The following LRRC7 variants were observed in gnomAD, a reference collection of about 807,000 sequenced individuals.
The protein encoded by LRRC7 is leucine-rich repeat-containing protein 7.
In LRRC7, 23 loss-of-function variants were observed where a neutral mutation model predicts 175.7. That is an observed-to-expected ratio of 0.13 (90% CI 0.09 to 0.19). The LOEUF (loss-of-function observed/expected upper bound fraction) is 0.19, where lower values mean the gene tolerates loss of function less well. Ranked by LOEUF, LRRC7 falls within the 10% of genes least tolerant of loss-of-function variation. The pLI is 1.00. For missense variants in LRRC7, 1,354 were observed against 1,904.7 expected (o/e 0.71, Z 5.38); for synonymous variants, 685 against 680.9 (o/e 1.01, Z -0.09).
chr1:69,576,264 A>T (rs1426683858), intron 1 of LRRC7, among the ~76,000 whole-genome samples: 1 of 150,084 alleles, frequency 6.7e-6, no homozygotes, highest in African/African-American at 2.4e-5. Flanking sequence ...TCCTTTAAAT[A>T]GTAAGATCCT....
At position 70,118,091 on chromosome 1, in the gene LRRC7, ACG is replaced by A. The variant is rs1491384499; in HGVS notation, c.4621-3687_4621-3686del. Reference sequence around the variant, plus strand: ...CACACACACACACACACACACACACACGCACACGAACAAAAATGCAAAACTCC... The same window carrying A: ...CACACACACACACACACACACACACACACACGAACAAAAATGCAAAACTCC... On this transcript the variant is annotated intron_variant, in intron 26 of 26. Transcript: ENST00000651989. Among the ~76,000 whole-genome samples the A allele has an allele frequency of 7.1e-5, 10 of 141,844 alleles. No individual in the cohort carries two copies. The South Asian group carries it at 1.1e-3, about 16-fold the overall frequency. The allele number at this position is 141,844 out of a possible 152,430, so 93.1% of individuals were successfully genotyped here. A position where few individuals can be genotyped will look rare whatever the true frequency, so the allele number is the denominator to read the frequency against.
intron 7 of LRRC7, among the ~76,000 whole-genome samples, 185 bp from the exon 8 acceptor site, chr1:69,931,322 C>T (rs1407977044): frequency 1.3e-5 from 2 of 152,150 alleles, no homozygotes; most frequent in African/African-American, 4.8e-5. Flanking sequence ...TGAACAGATG[C>T]TGTAGCTTTT....
intron 4 of LRRC7, among the ~76,000 whole-genome samples, chr1:69,792,629 T>C (rs750144142): frequency 2.6e-5 from 4 of 152,104 alleles, no homozygotes; most frequent in Non-Finnish European, 5.9e-5. Context: ...ATGGTTATGG[T>C]ATATTTTCTC....
At chr1:69,613,115 A>G (rs748177872) in intron 1 of LRRC7, among the ~76,000 whole-genome samples, 6 of 152,080 alleles carry the variant, frequency 3.9e-5, no homozygotes, top group Non-Finnish European at 7.4e-5. Context: ...CAAGTATAGC[A>G]TAGACTATAT....
At chr1:69,698,922 T>G (rs1468273750) in intron 2 of LRRC7, among the ~76,000 whole-genome samples, 1 of 152,182 alleles carries the variant, frequency 6.6e-6, no homozygotes, top group Non-Finnish European at 1.5e-5. Context: ...TCTGTAACTC[T>G]CTGTCTGTCT....
intron 8 of LRRC7, among the ~76,000 whole-genome samples, chr1:69,960,127 G>A (rs920637869): frequency 6.6e-6 from 1 of 151,936 alleles, no homozygotes; most frequent in Admixed American, 6.6e-5. Flanking sequence ...GGTTTTGGGG[G>A]TTGGAGGCTA....
intron 7 of LRRC7, among the ~76,000 whole-genome samples, chr1:69,867,978 T>C (rs1052216388): frequency 6.6e-6 from 1 of 152,058 alleles, no homozygotes; most frequent in Non-Finnish European, 1.5e-5. Flanking sequence ...GTCCAAGAGA[T>C]ACACAGATCC....
intron 2 of LRRC7, among the ~76,000 whole-genome samples, chr1:69,707,664 C>T (rs552536242): frequency 6.6e-6 from 1 of 152,190 alleles, no homozygotes; most frequent in East Asian, 1.9e-4. Flanking sequence ...TTTTCCTTTT[C>T]CTCACTCTTG....
At chr1:69,641,347 T>C (rs1170904827) in intron 1 of LRRC7, among the ~76,000 whole-genome samples, 1 of 151,726 alleles carries the variant, frequency 6.6e-6, no homozygotes, top group Non-Finnish European at 1.5e-5. Context: ...TCTTCTATTT[T>C]CTTTTTATTA....
At chr1:69,863,558 T>C (rs1008449465) in intron 7 of LRRC7, among the ~76,000 whole-genome samples, 1 of 152,204 alleles carries the variant, frequency 6.6e-6, no homozygotes, top group South Asian at 2.1e-4. Context: ...CGCATTGTGT[T>C]AGGCATAGGA....
chr1:69,647,927 A>G (rs1655236139), intron 1 of LRRC7, among the ~76,000 whole-genome samples: 1 of 152,204 alleles, frequency 6.6e-6, no homozygotes, highest in Non-Finnish European at 1.5e-5. Flanking sequence ...CAACACATGT[A>G]AAATTCAGTG....
At chr1:69,771,081 G>A (rs986199359) in intron 3 of LRRC7, among the ~76,000 whole-genome samples, 1 of 152,080 alleles carries the variant, frequency 6.6e-6, no homozygotes, top group African/African-American at 2.4e-5. Context: ...TCATATATAT[G>A]CATATGTGAT....
At chr1:69,988,125 C>A (rs907364654) in intron 10 of LRRC7, among the ~76,000 whole-genome samples, 1 of 152,174 alleles carries the variant, frequency 6.6e-6, no homozygotes, top group Non-Finnish European at 1.5e-5. Flanking sequence ...TCCTACTCAC[C>A]ACCATCCCAT....
intron 4 of LRRC7, among the ~76,000 whole-genome samples, chr1:69,819,237 A>G (rs1293356764): frequency 6.6e-6 from 1 of 151,982 alleles, no homozygotes; most frequent in East Asian, 1.9e-4. Flanking sequence ...GCTGAATCCC[A>G]TAAGTTTTGG....
intron 1 of LRRC7, among the ~76,000 whole-genome samples, chr1:69,584,514 T>C (rs189468019): frequency 2.0e-5 from 3 of 152,278 alleles, no homozygotes; most frequent in East Asian, 3.9e-4. Context: ...TTATTTTAAC[T>C]CTCTACATCA....
At chr1:69,574,952 G>A (rs1426488478) in intron 1 of LRRC7, among the ~76,000 whole-genome samples, 2 of 152,092 alleles carry the variant, frequency 1.3e-5, no homozygotes, top group Non-Finnish European at 2.9e-5. Flanking sequence ...TTAAATATTA[G>A]CGAAGTCCTT....
At chr1:69,741,115 T>A (rs1280238400) in intron 2 of LRRC7, among the ~76,000 whole-genome samples, 2 of 151,964 alleles carry the variant, frequency 1.3e-5, no homozygotes, top group Non-Finnish European at 2.9e-5. Flanking sequence ...GTCAACAATT[T>A]TACTACATGA....
intron 5 of LRRC7, among the ~76,000 whole-genome samples, chr1:69,834,567 G>A (rs1260564102): frequency 1.3e-5 from 2 of 152,114 alleles, no homozygotes; most frequent in African/African-American, 4.8e-5. Context: ...TAGGAGAGTA[G>A]CATGGAAGTG....
intron 1 of LRRC7, among the ~76,000 whole-genome samples, chr1:69,656,194 T>C (rs1021843147): frequency 6.6e-6 from 1 of 152,036 alleles, no homozygotes; most frequent in Non-Finnish European, 1.5e-5. Context: ...CCCAGTACCA[T>C]AATCACCAAG....
Sources: gnomAD v4.1 joint callset for allele counts (sites outside exome capture counted in the v4.1 genomes callset) on GRCh38, gnomAD v4.1.1 for gene constraint, MANE v1.5 for transcripts, NCBI Gene and HGNC (gene_info 2026-07-23, HGNC 2026-07-21) for gene names.